The following SGCZ variants were observed in gnomAD, a reference collection of about 807,000 sequenced individuals.
The protein encoded by SGCZ is sarcoglycan zeta.
Under a neutral mutation model 41.3 loss-of-function variants are expected in SGCZ, and 40 were observed. That is an observed-to-expected ratio of 0.97 (90% CI 0.75 to 1.26). The LOEUF is 1.26. SGCZ is among the 50% of genes most tolerant of loss of function. The pLI, the probability that SGCZ is intolerant of heterozygous loss-of-function variation, is 0.00. For synonymous variants in SGCZ, 206 were observed against 137.5 expected, an observed-to-expected ratio of 1.50 and a Z score of -3.49; for missense variants, 552 against 369.8, an observed-to-expected ratio of 1.49 and a Z score of -4.04.
chr8:14,444,706 A>G (rs1248898947), intron 2 of SGCZ, among the ~76,000 whole-genome samples: 1 of 151,834 alleles, frequency 6.6e-6, no homozygotes. Context: ...AGATATACCT[A>G]ATGCTAAATG....
At chr8:14,848,803 C>T (rs1563313304) in intron 1 of SGCZ, among the ~76,000 whole-genome samples, 3 of 152,176 alleles carry the variant, frequency 2.0e-5, no homozygotes, top group African/African-American at 7.2e-5. Context: ...TAAGAACCGT[C>T]CCAGAAGCAC....
chr8:14,540,559 C>T (rs1371915574), intron 2 of SGCZ, among the ~76,000 whole-genome samples: 1 of 151,552 alleles, frequency 6.6e-6, no homozygotes, highest in East Asian at 1.9e-4. Flanking sequence ...TTATTTCTGT[C>T]TTATTTATTT....
In SGCZ at chr8:14,454,167, G is replaced by A. The variant is rs190969782; in HGVS notation, c.234+100565C>T. Among the ~76,000 whole-genome samples, 53 of 152,292 alleles carry A rather than the reference G, an allele frequency of 3.5e-4. 1 individual carries two copies. Among genetic ancestry groups the A allele is most frequent in the African/African-American group, 1.2e-3 (49 of 41,568 alleles). ...TCAGATATTCTGTGTCAGATAGTAA[G>A]AGCCAAGGTATGGTGGCAGGATTTC... On this transcript the variant is annotated intron_variant, in intron 2 of 7. Coordinates refer to ENST00000382080, the MANE Select transcript of SGCZ (RefSeq NM_139167.4).
At chr8:14,211,841 G>C (rs193251882) in intron 4 of SGCZ, among the ~76,000 whole-genome samples, 6 of 152,220 alleles carry the variant, frequency 3.9e-5, no homozygotes, top group Admixed American at 1.3e-4. Flanking sequence ...AATCATATCA[G>C]ATTTGTTTTT....
intron 1 of SGCZ, among the ~76,000 whole-genome samples, chr8:14,958,835 T>G (rs1800876533): frequency 6.6e-6 from 1 of 151,984 alleles, no homozygotes; most frequent in Non-Finnish European, 1.5e-5. Flanking sequence ...ATATAAAGGT[T>G]GAATGACAGA....
intron 1 of SGCZ, among the ~76,000 whole-genome samples, chr8:14,831,644 G>GTGTA (rs199982117): frequency 0.01 from 1,558 of 150,246 alleles, 23 homozygotes; most frequent in African/African-American, 0.035. Context: ...GTGTGTGTGT[G>GTGTA]TATATATATA....
At chr8:14,115,561 G>A (rs1802497684) in intron 5 of SGCZ, among the ~76,000 whole-genome samples, 1 of 151,964 alleles carries the variant, frequency 6.6e-6, no homozygotes, top group Admixed American at 6.6e-5. Context: ...TAATCCAGCA[G>A]TATATTTTGT....
At chr8:14,791,909 C>T (rs934870086) in intron 1 of SGCZ, among the ~76,000 whole-genome samples, 1 of 152,136 alleles carries the variant, frequency 6.6e-6, no homozygotes, top group African/African-American at 2.4e-5. Flanking sequence ...CAATTCTAGC[C>T]GCACTTTCTC....
intron 2 of SGCZ, among the ~76,000 whole-genome samples, chr8:14,520,784 T>C (rs182129144): frequency 2.0e-5 from 3 of 152,236 alleles, no homozygotes; most frequent in Admixed American, 2.0e-4. Flanking sequence ...ATTGTCACCT[T>C]CTTTGAACAT....
At chr8:15,030,384 A>T (rs928257607) in intron 1 of SGCZ, among the ~76,000 whole-genome samples, 5 of 151,872 alleles carry the variant, frequency 3.3e-5, no homozygotes, top group Non-Finnish European at 5.9e-5. Flanking sequence ...TTAAAGCAGT[A>T]AAAAAAAGGT....
chr8:14,837,154 G>T (rs1802726876), intron 1 of SGCZ, among the ~76,000 whole-genome samples: 1 of 152,152 alleles, frequency 6.6e-6, no homozygotes, highest in Non-Finnish European at 1.5e-5. Context: ...CAATCATGGA[G>T]CTTTCTCTCC....
At chr8:14,097,925 T>TTGAC (rs1053677995) in intron 7 of SGCZ, among the ~76,000 whole-genome samples, 1 of 152,044 alleles carries the variant, frequency 6.6e-6, no homozygotes, top group Non-Finnish European at 1.5e-5. Context: ...GCTTTTTTAT[T>TTGAC]TGACTCTCCC....
chr8:14,314,950 G>C (rs750128081), intron 3 of SGCZ, among the ~76,000 whole-genome samples: 1 of 152,138 alleles, frequency 6.6e-6, no homozygotes, highest in African/African-American at 2.4e-5. Context: ...ACAGAAAAAG[G>C]CTAAGTTCAT....
chr8:14,524,138 T>C (rs1055425603), intron 2 of SGCZ, among the ~76,000 whole-genome samples: 1 of 152,020 alleles, frequency 6.6e-6, no homozygotes, highest in Non-Finnish European at 1.5e-5. Flanking sequence ...ATTCATAACA[T>C]GAGTGATTTT....
chr8:14,919,083 A>T (rs562976573), intron 1 of SGCZ, among the ~76,000 whole-genome samples: 1 of 152,316 alleles, frequency 6.6e-6, no homozygotes, highest in South Asian at 2.1e-4. Context: ...TGATTCAATT[A>T]GTTAATAAAA....
chr8:14,808,892 A>G (rs2130529873), intron 1 of SGCZ, among the ~76,000 whole-genome samples: 1 of 151,864 alleles, frequency 6.6e-6, no homozygotes, highest in South Asian at 2.1e-4. Context: ...ATGGAATACT[A>G]TGCAGCCATA....
At chr8:14,196,685 A>G (rs905597665) in intron 4 of SGCZ, among the ~76,000 whole-genome samples, 1 of 152,182 alleles carries the variant, frequency 6.6e-6, no homozygotes, top group Non-Finnish European at 1.5e-5. Flanking sequence ...AATGTATGCA[A>G]TGGAATATAT....
At position 14,931,279 on chromosome 8, in the gene SGCZ, A is replaced by G. The variant is rs1046584531; in HGVS notation, c.39+306306T>C. Among the ~76,000 whole-genome samples the G allele has an allele frequency of 3.3e-5, 5 of 152,056 alleles. 1 individual carries two copies. The highest frequency in any genetic ancestry group is 1.2e-4 in the African/African-American group (5 of 41,318). ...TCACTTATAGTTTATTACCTTCCTG[A>G]TAACATGAATTTGCAGTCATTTTAT... On this transcript the variant is annotated intron_variant, in intron 1 of 7. Transcript: ENST00000382080.
chr8:15,158,300 C>T (rs746142419), intron 1 of SGCZ, among the ~76,000 whole-genome samples: 1 of 152,126 alleles, frequency 6.6e-6, no homozygotes, highest in Non-Finnish European at 1.5e-5. Context: ...AAGGCCAAAA[C>T]CCCTACCCTA....
Sources: allele counts gnomAD v4.1 joint callset (sites outside exome capture counted in the v4.1 genomes callset), GRCh38; gene constraint gnomAD v4.1.1; transcripts MANE v1.5; gene names NCBI Gene and HGNC (gene_info 2026-07-23, HGNC 2026-07-21).